Variants in TRDN observed in about 807,000 individuals in gnomAD.
TRDN encodes the protein triadin in skeletal muscle.
Under a neutral mutation model 149.7 loss-of-function variants are expected in TRDN, and 161 were observed. The ratio of observed to expected loss-of-function variants is 1.08; its 90% confidence interval spans 0.95 to 1.23. The LOEUF (loss-of-function observed/expected upper bound fraction) is 1.23. Among genes scored for constraint, TRDN ranks in the 50% most tolerant of loss-of-function variants. The probability of loss-of-function intolerance (pLI) is 0.00; values close to 1 mark genes in which losing one functional copy is unlikely to be tolerated. For missense variants in TRDN, 896 were observed against 823.5 expected, an observed-to-expected ratio of 1.09 and a Z score of -1.08; for synonymous variants, 294 against 250.5, an observed-to-expected ratio of 1.17 and a Z score of -1.64.
chr6:123,503,732 C>T lies in TRDN; in HGVS notation c.780G>A (p.Lys260=), dbSNP rs771614858. Reference sequence around the variant, plus strand: ...CTGAATGTTTACCTTTCTGTTCATGCTTTGACACAGCTGCTTTCTCTTTGT... The same window carrying T: ...CTGAATGTTTACCTTTCTGTTCATGTTTTGACACAGCTGCTTTCTCTTTGT... The part of the protein sequence containing the change: ...KEDKEKAAVS[K]HEQKDQYAFC... The change falls in exon 8 of 41, where the codon AAG becomes AAA. Residue 260 remains lysine (K), a synonymous_variant. Transcript: ENST00000334268. 6.2e-6 allele frequency: 10 copies of T among 1,613,580 alleles called. No homozygotes were observed. Among genetic ancestry groups the T allele is most frequent in the Non-Finnish European group, 8.5e-6 (10 of 1,179,800 alleles).
At chr6:123,400,170 T>C (rs1772902629) in intron 12 of TRDN, among the ~76,000 whole-genome samples, 1 of 144,822 alleles carries the variant, frequency 6.9e-6, no homozygotes, top group South Asian at 2.1e-4. Context: ...TGTATGTGTA[T>C]ATATATATAT....
chr6:123,616,575 A>T (rs1785096121), intron 1 of TRDN, among the ~76,000 whole-genome samples: 1 of 152,136 alleles, frequency 6.6e-6, no homozygotes, highest in South Asian at 2.1e-4. Context: ...ATAAACATGT[A>T]TGTATGATTT....
chr6:123,526,116 T>A (rs1260021763), intron 5 of TRDN, among the ~76,000 whole-genome samples: 1 of 151,994 alleles, frequency 6.6e-6, no homozygotes, highest in Non-Finnish European at 1.5e-5. Context: ...TACTGCCACA[T>A]CTCATTTCTC....
intron 3 of TRDN, 44 bp from the exon 4 acceptor site, chr6:123,547,416 G>A (rs749200240): frequency 7.6e-6 from 9 of 1,191,268 alleles, no homozygotes; most frequent in South Asian, 1.8e-5. Context: ...AAATATTTTA[G>A]CATAGAATAA....
intron 8 of TRDN, chr6:123,501,897 G>C: frequency 1.0e-6 from 1 of 976,884 alleles, no homozygotes; most frequent in Non-Finnish European, 1.2e-6. Flanking sequence ...TTTGTGGCCT[G>C]GAAAATAAAC....
rs183706542 is a variant in TRDN at position 123,402,427 on chromosome 6, T to C, written c.1052-8750A>G. Among the ~76,000 whole-genome samples the C allele has an allele frequency of 5.9e-5, 9 of 152,172 alleles. No homozygotes were observed. The East Asian group carries it at 1.7e-3, about 29-fold the overall frequency. ...AGAGCTCTCTGAAACACTTTAGTTT[T>C]GAATCGTGCCAGGTTTATGCATCAT... On this transcript the variant is annotated intron_variant, in intron 12 of 40. Transcript: ENST00000334268.
At chr6:123,533,892 A>G (rs895281207) in intron 4 of TRDN, among the ~76,000 whole-genome samples, 3 of 152,172 alleles carry the variant, frequency 2.0e-5, no homozygotes, top group African/African-American at 7.2e-5. Flanking sequence ...AAGGAAAATT[A>G]GACTAAAAAA....
chr6:123,503,581 C>T, intron 8 of TRDN, 138 bp downstream of exon 8: 3 of 1,456,446 alleles, frequency 2.1e-6, no homozygotes, highest in Non-Finnish European at 1.8e-6. Flanking sequence ...TATTTCTTTT[C>T]TGATATATTT....
At chr6:123,419,829 A>G (rs918695314) in intron 12 of TRDN, among the ~76,000 whole-genome samples, 1 of 152,222 alleles carries the variant, frequency 6.6e-6, no homozygotes, top group African/African-American at 2.4e-5. Flanking sequence ...GCTAATGGTC[A>G]TTGAAACTTT....
intron 1 of TRDN, among the ~76,000 whole-genome samples, chr6:123,611,430 A>C: frequency 6.6e-6 from 1 of 152,284 alleles, no homozygotes; most frequent in Non-Finnish European, 1.5e-5. Flanking sequence ...AAATGAAATA[A>C]TTTTTATGTA....
At chr6:123,283,985 C>CATATAT (rs57419103) in intron 24 of TRDN, among the ~76,000 whole-genome samples, 6,348 of 57,122 alleles carry the variant, frequency 0.11, 1,081 homozygotes, top group Admixed American at 0.19. Flanking sequence ...CAACATGGCA[C>CATATAT]ATATATATAT....
intron 12 of TRDN, among the ~76,000 whole-genome samples, chr6:123,434,364 GT>G (rs778850254): frequency 3.4e-4 from 52 of 152,156 alleles, no homozygotes; most frequent in Admixed American, 8.5e-4. Context: ...AGCAGAAATG[GT>G]TTGGCAGAGC....
At chr6:123,458,193 C>T (rs1254435614) in intron 10 of TRDN, among the ~76,000 whole-genome samples, 1 of 152,146 alleles carries the variant, frequency 6.6e-6, no homozygotes, top group Non-Finnish European at 1.5e-5. Context: ...CTGTTATACC[C>T]TTTTCTCTTT....
chr6:123,593,528 G>A (rs1783890063), intron 1 of TRDN, among the ~76,000 whole-genome samples: 1 of 152,202 alleles, frequency 6.6e-6, no homozygotes, highest in Non-Finnish European at 1.5e-5. Context: ...TGAAATCAAA[G>A]TATTGATAGG....
chr6:123,548,927 T>C (rs549355553), intron 2 of TRDN, among the ~76,000 whole-genome samples: 3 of 152,194 alleles, frequency 2.0e-5, no homozygotes, highest in East Asian at 1.9e-4. Context: ...CCCTATGTTA[T>C]GGATGTTCAG....
At chr6:123,463,836 T>A (rs1442916641) in intron 10 of TRDN, among the ~76,000 whole-genome samples, 1 of 151,944 alleles carries the variant, frequency 6.6e-6, no homozygotes, top group African/African-American at 2.4e-5. Context: ...AGGTAAGTGA[T>A]ATACAATAGT....
chr6:123,411,452 G>A (rs993614914), intron 12 of TRDN, among the ~76,000 whole-genome samples: 3 of 152,150 alleles, frequency 2.0e-5, no homozygotes, highest in Non-Finnish European at 2.9e-5. Flanking sequence ...AGGCTGAAGA[G>A]AACTGAATTG....
intron 7 of TRDN, among the ~76,000 whole-genome samples, chr6:123,507,812 C>A (rs915568130): frequency 1.3e-5 from 2 of 152,126 alleles, no homozygotes; most frequent in African/African-American, 4.8e-5. Context: ...TTGGAATTAG[C>A]GTGATCCATT....
intron 28 of TRDN, 27 bp from the exon 29 acceptor site, chr6:123,273,038 TTTAGG>T: frequency 7.0e-7 from 1 of 1,436,480 alleles, no homozygotes; most frequent in Non-Finnish European, 9.3e-7. Flanking sequence ...GAAAATCTTT[TTTAGG>T]TATTTAGAAG....
Sources: allele counts gnomAD v4.1 joint callset (sites outside exome capture counted in the v4.1 genomes callset), GRCh38; gene constraint gnomAD v4.1.1; transcripts MANE v1.5; gene names NCBI Gene and HGNC (gene_info 2026-07-23, HGNC 2026-07-21).